The following DENND5B variants were observed in gnomAD, a reference collection of about 807,000 sequenced individuals.
DENND5B encodes the protein DENN domain containing 5B, also known as DENN domain-containing protein 5B.
Under a neutral mutation model 140.6 loss-of-function variants are expected in DENND5B, and 34 were observed. That is an observed-to-expected ratio of 0.24 (90% CI 0.18 to 0.32). The LOEUF (loss-of-function observed/expected upper bound fraction) is 0.32. DENND5B is among the 10% of genes least tolerant of loss of function. The probability of loss-of-function intolerance (pLI) is 1.00; values close to 1 mark genes in which losing one functional copy is unlikely to be tolerated. For synonymous variants in DENND5B, 551 were observed against 562.1 expected (o/e 0.98, Z 0.28); for missense variants, 1,142 against 1,560.2 (o/e 0.73, Z 4.52).
chr12:31,570,320 A>G (rs758281390), intron 1 of DENND5B, among the ~76,000 whole-genome samples: 4 of 148,154 alleles, frequency 2.7e-5, no homozygotes, highest in Non-Finnish European at 5.9e-5. Flanking sequence ...TCTGTTGCCC[A>G]GGCTGGAGTG....
At chr12:31,546,582 G>A (rs1277684185) in intron 1 of DENND5B, among the ~76,000 whole-genome samples, 3 of 152,142 alleles carry the variant, frequency 2.0e-5, no homozygotes, top group Non-Finnish European at 2.9e-5. Context: ...AGCTCCTCAG[G>A]AGGCTGAGGC....
At chr12:31,583,032 G>A (rs1229571676) in intron 1 of DENND5B, among the ~76,000 whole-genome samples, 1 of 152,054 alleles carries the variant, frequency 6.6e-6, no homozygotes, top group Non-Finnish European at 1.5e-5. Flanking sequence ...GGTGGCTCAC[G>A]CCTGTAATCC....
chr12:31,499,608 G>T, intron 1 of DENND5B: 7 of 1,492,104 alleles, frequency 4.7e-6, no homozygotes, highest in Non-Finnish European at 6.2e-6. Flanking sequence ...ATTTTTACCT[G>T]AAGTCGTATT....
chr12:31,494,003 T>G (rs1946635014), intron 2 of DENND5B, among the ~76,000 whole-genome samples: 1 of 152,110 alleles, frequency 6.6e-6, no homozygotes, highest in Admixed American at 6.6e-5. Context: ...TGGGGCCCCC[T>G]GAATTATATA....
chr12:31,391,557 T>C (rs1420879366), intron 19 of DENND5B, among the ~76,000 whole-genome samples: 2 of 152,248 alleles, frequency 1.3e-5, no homozygotes. Flanking sequence ...TACTAATGTA[T>C]ATCTTGAGCA....
At chr12:31,496,246 C>T (rs1411073662) in intron 1 of DENND5B, among the ~76,000 whole-genome samples, 2 of 152,272 alleles carry the variant, frequency 1.3e-5, no homozygotes, top group East Asian at 3.9e-4. Context: ...AAAACATTTA[C>T]TTCAGAAAAG....
chr12:31,547,875 T>C (rs1465612013), intron 1 of DENND5B, among the ~76,000 whole-genome samples: 1 of 152,032 alleles, frequency 6.6e-6, no homozygotes, highest in Non-Finnish European at 1.5e-5. Flanking sequence ...TGGTTACTTT[T>C]TTGTATTTTT....
At chr12:31,426,937 G>A (rs1447712336) in intron 8 of DENND5B, among the ~76,000 whole-genome samples, 2 of 152,100 alleles carry the variant, frequency 1.3e-5, no homozygotes, top group African/African-American at 4.8e-5. Flanking sequence ...AGGAGCTTTC[G>A]AATCTGGTTG....
intron 10 of DENND5B, among the ~76,000 whole-genome samples, chr12:31,424,174 G>C (rs1474788888): frequency 1.3e-5 from 2 of 152,106 alleles, no homozygotes; most frequent in East Asian, 1.9e-4. Context: ...GGAGACTAGA[G>C]AGACAAAAGC....
rs1387370433 is a variant in DENND5B at position 31,539,391 on chromosome 12, T to C, written c.128-43472A>G. On this transcript the variant is annotated intron_variant, in intron 1 of 20. Transcript: ENST00000389082. Reference sequence around the variant, plus strand: ...TTCCAAACTCACTCTATGAGGCCTGTATACCAAAATCAAAGACATATTACA... The same window carrying C: ...TTCCAAACTCACTCTATGAGGCCTGCATACCAAAATCAAAGACATATTACA... Among the ~76,000 whole-genome samples, 3 of 152,090 alleles carry C rather than the reference T, an allele frequency of 2.0e-5. No individual in the cohort carries two copies. In the East Asian group the frequency reaches 5.8e-4, roughly 29 times the overall value.
intron 1 of DENND5B, among the ~76,000 whole-genome samples, chr12:31,517,014 TC>T (rs5797413): frequency 0.42 from 63,940 of 151,526 alleles, 13,831 homozygotes; most frequent in Admixed American, 0.57. Context: ...GTAGATACCT[TC>T]CCTCCTGAAT....
At chr12:31,496,005 A>T in intron 1 of DENND5B, 86 bp from the exon 2 acceptor site, 1 of 879,300 alleles carries the variant, frequency 1.1e-6, no homozygotes. Context: ...CCTACTACTG[A>T]CTGATAATGT....
Position 31,447,698 on chromosome 12 carries a change from A to G in DENND5B, c.1701T>C (p.Phe567=), listed in dbSNP as rs746769633. 11 of 1,612,570 alleles carry G rather than the reference A, an allele frequency of 6.8e-6. No individual in the cohort carries two copies. The African/African-American group carries it at 1.1e-4, about 16-fold the overall frequency. The change falls in exon 6 of 21, where the codon TTT becomes TTC. Residue 567 remains phenylalanine (F), a synonymous_variant. Coordinates refer to ENST00000389082, the MANE Select transcript of DENND5B (RefSeq NM_144973.4). ...FLSRFIETQM[F]ATFIDNKIMS... ...TAATTTTATTATCAATAAAGGTGGC[A>G]AACATCTGTGTTTCAATGAAGCGTG...
At chr12:31,536,639 T>C (rs527349644) in intron 1 of DENND5B, among the ~76,000 whole-genome samples, 7 of 151,064 alleles carry the variant, frequency 4.6e-5, no homozygotes, top group East Asian at 1.9e-4. Flanking sequence ...GAAAAAGAGA[T>C]AGGAATAGAA....
At chr12:31,482,929 G>A (rs1052076896) in intron 2 of DENND5B, among the ~76,000 whole-genome samples, 7 of 152,196 alleles carry the variant, frequency 4.6e-5, no homozygotes, top group African/African-American at 1.4e-4. Context: ...ATAATGGCCT[G>A]CAGGGAAGCC....
intron 1 of DENND5B, among the ~76,000 whole-genome samples, chr12:31,497,410 A>G (rs1349481825): frequency 6.6e-6 from 1 of 152,110 alleles, no homozygotes; most frequent in Non-Finnish European, 1.5e-5. Context: ...AGAAATTGTC[A>G]GACATCCTTA....
chr12:31,462,177 G>A lies in DENND5B; in HGVS notation c.905-1796C>T, dbSNP rs139828159. Among the ~76,000 whole-genome samples, 124 of 152,168 alleles carry A rather than the reference G, an allele frequency of 8.1e-4. 1 individual carries two copies. Among genetic ancestry groups the A allele is most frequent in the African/African-American group, 2.8e-3 (118 of 41,518 alleles). On this transcript the variant is annotated intron_variant, in intron 3 of 20. Transcript: ENST00000389082. ...AGAGCTAACCTAATTACCTGGGGTG[G>A]ATACACACATTTTACAGCCAAGGCC...
chr12:31,474,242 A>C (rs1945689422), intron 3 of DENND5B, among the ~76,000 whole-genome samples: 1 of 151,964 alleles, frequency 6.6e-6, no homozygotes, highest in Admixed American at 6.6e-5. Context: ...AAAGGAGGTA[A>C]GCAAGGCCCA....
intron 1 of DENND5B, among the ~76,000 whole-genome samples, chr12:31,507,589 C>T (rs1489031442): frequency 1.3e-5 from 2 of 151,870 alleles, no homozygotes; most frequent in African/African-American, 4.8e-5. Flanking sequence ...GATCCTAGCC[C>T]ATGTTTGTCA....
Sources: allele counts gnomAD v4.1 joint callset (sites outside exome capture counted in the v4.1 genomes callset), GRCh38; gene constraint gnomAD v4.1.1; transcripts MANE v1.5; gene names NCBI Gene and HGNC (gene_info 2026-07-23, HGNC 2026-07-21).